Variants in RORA observed in about 807,000 individuals in gnomAD.
RORA encodes the protein nuclear receptor ROR-alpha.
Under a neutral mutation model 69.5 loss-of-function variants are expected in RORA, and 7 were observed. That is an observed-to-expected ratio of 0.10 (90% CI 0.06 to 0.19). The LOEUF (loss-of-function observed/expected upper bound fraction) is 0.19, where lower values mean the gene tolerates loss of function less well. RORA is among the 10% of genes least tolerant of loss of function. The pLI is 1.00. For synonymous variants in RORA, 261 were observed against 240.8 expected (o/e 1.08, Z -0.78); for missense variants, 457 against 663.0 (o/e 0.69, Z 3.41).
At chr15:61,075,006 G>C (rs1451722890) in intron 1 of RORA, among the ~76,000 whole-genome samples, 1 of 151,586 alleles carries the variant, frequency 6.6e-6, no homozygotes, top group Non-Finnish European at 1.5e-5. Context: ...AGAATCACTT[G>C]AACCCGGGAG....
chr15:61,086,702 CT>C (rs956295868), intron 1 of RORA, among the ~76,000 whole-genome samples: 4 of 150,050 alleles, frequency 2.7e-5, no homozygotes, highest in Non-Finnish European at 5.9e-5. Context: ...TTTTTTTTCT[CT>C]AAATTTCCCA....
chr15:60,717,796 CT>C (rs10653856), intron 1 of RORA, among the ~76,000 whole-genome samples: 1,316 of 91,944 alleles, frequency 0.014, 18 homozygotes, highest in African/African-American at 0.051. Context: ...TTCTTTTTCT[CT>C]TTTTTTTTTT....
At chr15:61,222,427 T>C (rs1338168190) in intron 1 of RORA, among the ~76,000 whole-genome samples, 3 of 152,248 alleles carry the variant, frequency 2.0e-5, no homozygotes, top group Admixed American at 1.3e-4. Flanking sequence ...CCTTTTAGCA[T>C]TAGCATGTAA....
chr15:61,195,253 G>T (rs1050598417), intron 1 of RORA, among the ~76,000 whole-genome samples: 6 of 152,010 alleles, frequency 3.9e-5, no homozygotes, highest in African/African-American at 1.5e-4. Flanking sequence ...GTGCAGCCAA[G>T]CTCGTGAAAG....
chr15:60,606,640 A>C (rs1015034593), intron 2 of RORA, among the ~76,000 whole-genome samples: 1 of 152,232 alleles, frequency 6.6e-6, no homozygotes, highest in African/African-American at 2.4e-5. Flanking sequence ...TGTTTGAAAA[A>C]GATAGTTAAA....
At chr15:60,949,606 G>C (rs1242216957) in intron 1 of RORA, among the ~76,000 whole-genome samples, 2 of 152,162 alleles carry the variant, frequency 1.3e-5, no homozygotes, top group Non-Finnish European at 2.9e-5. Context: ...TCCACTGCAG[G>C]ATACAGAGCA....
intron 1 of RORA, among the ~76,000 whole-genome samples, chr15:60,893,916 G>A: frequency 6.6e-6 from 1 of 152,194 alleles, no homozygotes; most frequent in East Asian, 1.9e-4. Context: ...GAGAAAAGGA[G>A]GACCCAAACC....
rs139078063 is a variant in RORA, at chr15:60,904,836, A to G, written c.167-226150T>C. 2.0e-3 allele frequency among the ~76,000 whole-genome samples: 312 copies of G among 152,292 alleles called. 1 individual carries two copies. Among genetic ancestry groups the G allele is most frequent in the African/African-American group, 6.8e-3 (283 of 41,572 alleles). On this transcript the variant is annotated intron_variant, in intron 1 of 10. Transcript: ENST00000335670. ...TCTCATAACCATGAGAAGAAACAAT[A>G]AAGAAAAATAGGGGTGGTGTGGTTT...
At chr15:60,708,106 G>T (rs1487073206) in intron 1 of RORA, among the ~76,000 whole-genome samples, 1 of 152,184 alleles carries the variant, frequency 6.6e-6, no homozygotes, top group Admixed American at 6.5e-5. Context: ...GAGCTTATCT[G>T]TTAGGTCCTT....
At chr15:60,987,453 T>A (rs1466381804) in intron 1 of RORA, among the ~76,000 whole-genome samples, 2 of 152,198 alleles carry the variant, frequency 1.3e-5, no homozygotes, top group Non-Finnish European at 2.9e-5. Context: ...CCTCTCTGAA[T>A]CACAGATTCT....
chr15:61,200,598 C>G (rs1289440169), intron 1 of RORA, among the ~76,000 whole-genome samples: 1 of 152,240 alleles, frequency 6.6e-6, no homozygotes, highest in African/African-American at 2.4e-5. Context: ...CTGTGCCTCA[C>G]TAGGTTTGGG....
At chr15:60,737,692 TG>T (rs2071521366) in intron 1 of RORA, among the ~76,000 whole-genome samples, 1 of 152,286 alleles carries the variant, frequency 6.6e-6, no homozygotes, top group Non-Finnish European at 1.5e-5. Flanking sequence ...AGGTTTCTTC[TG>T]TTTATTGCTG....
intron 1 of RORA, among the ~76,000 whole-genome samples, chr15:61,199,367 A>C (rs2079874934): frequency 6.6e-6 from 1 of 152,218 alleles, no homozygotes; most frequent in Non-Finnish European, 1.5e-5. Flanking sequence ...TTTTATGGAC[A>C]AGAAGTTAGT....
intron 1 of RORA, among the ~76,000 whole-genome samples, chr15:61,018,518 C>T (rs1392751846): frequency 2.6e-5 from 4 of 151,986 alleles, no homozygotes; most frequent in South Asian, 2.1e-4. Context: ...TAGTGTGTAG[C>T]GTAGTGAAAA....
chr15:60,880,626 A>G (rs924959245), intron 1 of RORA, among the ~76,000 whole-genome samples: 2 of 152,180 alleles, frequency 1.3e-5, no homozygotes, highest in South Asian at 2.1e-4. Context: ...TGACAGAGAA[A>G]GACTGTCAAA....
At chr15:60,833,427 G>T (rs9806249) in intron 1 of RORA, among the ~76,000 whole-genome samples, 15,263 of 151,940 alleles carry the variant, frequency 0.1, 1,386 homozygotes, top group African/African-American at 0.24. Context: ...CGTTGACCAG[G>T]CTGATCTCAA....
chr15:60,630,178 G>A (rs1013120889), intron 2 of RORA, among the ~76,000 whole-genome samples: 1 of 152,176 alleles, frequency 6.6e-6, no homozygotes, highest in Non-Finnish European at 1.5e-5. Context: ...CTGATGCAAA[G>A]GACAGAATCA....
intron 2 of RORA, chr15:60,558,251 C>CA: frequency 1.9e-6 from 3 of 1,612,046 alleles, no homozygotes; most frequent in Non-Finnish European, 2.5e-6. Context: ...ACAAAAGCAT[C>CA]ACCTGAAGAC....
chr15:60,682,901 A>T (rs1210921634), intron 1 of RORA, among the ~76,000 whole-genome samples: 1 of 152,206 alleles, frequency 6.6e-6, no homozygotes, highest in East Asian at 1.9e-4. Flanking sequence ...AAGTTTCTAA[A>T]CCTAAAATAC....
Sources: allele counts gnomAD v4.1 joint callset (sites outside exome capture counted in the v4.1 genomes callset), GRCh38; gene constraint gnomAD v4.1.1; transcripts MANE v1.5; gene names NCBI Gene and HGNC (gene_info 2026-07-23, HGNC 2026-07-21).